DCP2: variants seen among roughly 807,000 people sequenced by gnomAD.
DCP2 encodes the protein m7GpppN-mRNA hydrolase.
Under a neutral mutation model 56.1 loss-of-function variants are expected in DCP2, and 30 were observed. The observed-to-expected ratio is 0.53, with a 90% CI of 0.40 to 0.73. The LOEUF is 0.73. Among genes scored for constraint, DCP2 ranks in the 30% least tolerant of loss-of-function variants. The pLI is 0.00. For synonymous variants in DCP2, 197 were observed against 163.3 expected (o/e 1.21, Z -1.57); for missense variants, 533 against 502.7 (o/e 1.06, Z -0.58).
Position 113,001,646 on chromosome 5 carries a change from C to G in DCP2, c.778C>G (p.Pro260Ala), listed in dbSNP as rs1433726503. The change falls in exon 7 of 11, where the codon CCG becomes GCG. Residue 260 changes from proline to alanine, a missense_variant. Coordinates refer to ENST00000389063, the MANE Select transcript of DCP2 (RefSeq NM_152624.6). ...DNGFSSTGST[P>A]AKPTVEKLSR... ...TGGATTTTCCTCAACTGGTAGCACG[C>G]CGGCTAAACCCACTGTGGAAAAATT... 1.2e-6 allele frequency: 2 copies of G among 1,614,118 alleles called. No individual in the cohort carries two copies. The highest frequency in any genetic ancestry group is 3.3e-5 in the Admixed American group (2 of 60,006).
At position 113,015,253 on chromosome 5, in the gene DCP2, T is replaced by C. The variant is rs1284187152; in HGVS notation, c.*1769T>C. ...CCAGCATTCCAGACTTCTGGTAAATTGTTAAAGGAGTGAAAATGTAGTTTG... is the reference window on the plus strand; with the variant it reads ...CCAGCATTCCAGACTTCTGGTAAATCGTTAAAGGAGTGAAAATGTAGTTTG... On this transcript the variant is annotated 3_prime_UTR_variant, in exon 11 of 11. Transcript: ENST00000389063. 1 of 152,656 alleles carries C rather than the reference T, an allele frequency of 6.6e-6. No individual in the cohort carries two copies. The highest frequency in any genetic ancestry group is 2.4e-5 in the African/African-American group (1 of 41,462). The allele number at this position is 152,656 out of a possible 1,614,324, so 9.5% of individuals were successfully genotyped here. A position where few individuals can be genotyped will look rare whatever the true frequency, so the allele number is the denominator to read the frequency against.
rs987034873 is a variant in DCP2 at position 113,007,959 on chromosome 5, G to A, written c.964G>A (p.Gly322Ser). The A allele has an allele frequency of 3.2e-5, 52 of 1,613,480 alleles. No homozygotes were observed. The Admixed American group carries it at 8.3e-4, about 26-fold the overall frequency. Residue 322 changes from glycine to serine, a missense_variant, in exon 9 of 11, where the codon GGC becomes AGC. Physicochemically the swap from Gly to Ser is moderately conservative, Grantham distance 56. Around this residue, in one of 3 missense-constraint regions of DCP2, gnomAD observed 392 missense variants for 346.6 expected, o/e 1.13. Coordinates refer to ENST00000389063, the MANE Select transcript of DCP2 (RefSeq NM_152624.6). ...KGKNQSMRGN[G>S]RKQYQDSPNQ... Reference sequence around the variant, plus strand: ...ACAGAATCAAAGTATGAGGGGAAATGGCAGAAAACAGTATCAAGATTCACC... The same window carrying A: ...ACAGAATCAAAGTATGAGGGGAAATAGCAGAAAACAGTATCAAGATTCACC...
rs369337692 is a variant in DCP2 at position 113,006,236 on chromosome 5, C to T, written c.943-1702C>T. ...GATAAATATCGTATTAATGTTATTC[C>T]ATTCCTAAATAGGCAAATTCATAGA... On this transcript the variant is annotated intron_variant, in intron 8 of 10. Transcript: ENST00000389063. 1.0e-3 allele frequency among the ~76,000 whole-genome samples: 155 copies of T among 152,046 alleles called. 2 individuals carry two copies. In the South Asian group the frequency reaches 0.032, roughly 31 times the overall value.
intron 1 of DCP2, among the ~76,000 whole-genome samples, chr5:112,978,388 C>T (rs554649370): frequency 1.3e-5 from 2 of 152,308 alleles, no homozygotes; most frequent in South Asian, 4.1e-4. Flanking sequence ...TCTGCGCAAA[C>T]AGATTCAGGA....
chr5:113,003,568 C>A (rs1470158193), intron 7 of DCP2, among the ~76,000 whole-genome samples: 1 of 151,980 alleles, frequency 6.6e-6, no homozygotes, highest in Non-Finnish European at 1.5e-5. Flanking sequence ...AGAGGGAAAC[C>A]CAGTCTCAAA....
At chr5:112,987,620 C>CCTTTTTT (rs1748356511) in intron 2 of DCP2, among the ~76,000 whole-genome samples, 1 of 69,736 alleles carries the variant, frequency 1.4e-5, no homozygotes, top group African/African-American at 6.2e-5. Context: ...ACCTAGGTGC[C>CCTTTTTT]TTTTTTTTTT....
rs951767266 is a variant in DCP2, at chr5:113,014,759, T to C, written c.*1275T>C. ...TGGGAGTCGGGGGTGTTTGAGTATA[T>C]GTGTGTGTGTGTAACTATCATGTGG... On this transcript the variant is annotated 3_prime_UTR_variant, in exon 11 of 11. Coordinates refer to ENST00000389063, the MANE Select transcript of DCP2 (RefSeq NM_152624.6). 2.0e-5 allele frequency: 3 copies of C among 149,322 alleles called. No individual in the cohort carries two copies. The highest frequency in any genetic ancestry group is 4.4e-5 in the Non-Finnish European group (3 of 67,988). The allele number at this position is 149,322 out of a possible 1,614,324, so 9.2% of individuals were successfully genotyped here. A position where few individuals can be genotyped will look rare whatever the true frequency, so the allele number is the denominator to read the frequency against.
At chr5:112,998,940 A>G (rs1434458807) in intron 4 of DCP2, among the ~76,000 whole-genome samples, 1 of 152,222 alleles carries the variant, frequency 6.6e-6, no homozygotes, top group East Asian at 1.9e-4. Flanking sequence ...TCATATTCAC[A>G]TTCACTAATT....
chr5:112,988,108 A>G (rs758243473), intron 2 of DCP2, among the ~76,000 whole-genome samples: 3 of 152,164 alleles, frequency 2.0e-5, no homozygotes, highest in Non-Finnish European at 2.9e-5. Context: ...TGGATGAAAC[A>G]GTGATTGTTC....
chr5:112,976,974 A>G lies in DCP2; in HGVS notation c.41A>G (p.Asp14Gly), dbSNP rs1747735333. 1.3e-6 allele frequency: 2 copies of G among 1,593,538 alleles called. No individual in the cohort carries two copies. The highest frequency in any genetic ancestry group is 1.3e-5 in the African/African-American group (1 of 74,382). The change falls in exon 1 of 11, where the codon GAC becomes GGC. Residue 14 changes from aspartate to glycine, a missense_variant. By Grantham distance (94) the Asp-to-Gly change is moderately conservative. Coordinates refer to ENST00000389063, the MANE Select transcript of DCP2 (RefSeq NM_152624.6). ...KRVEIPGSVLDDLCSRFILHI... is the reference protein window; with the variant it reads ...KRVEIPGSVLGDLCSRFILHI... ...GTGGAGATTCCCGGCAGCGTCCTGGACGATCTCTGCAGGTACCGCGCTACC... is the reference window on the plus strand; with the variant it reads ...GTGGAGATTCCCGGCAGCGTCCTGGGCGATCTCTGCAGGTACCGCGCTACC...
chr5:112,999,574 C>T (rs940559053), intron 4 of DCP2, among the ~76,000 whole-genome samples: 6 of 151,534 alleles, frequency 4.0e-5, no homozygotes, highest in African/African-American at 1.5e-4. Flanking sequence ...GATTAGCCTG[C>T]CTTGGCCTCC....
chr5:113,004,430 T>A (rs1034464114), intron 8 of DCP2, among the ~76,000 whole-genome samples: 1 of 152,244 alleles, frequency 6.6e-6, no homozygotes, highest in Admixed American at 6.5e-5. Flanking sequence ...ACTTCGATTT[T>A]CATTGTTGTA....
Position 112,976,960 on chromosome 5 carries a change from C to A in DCP2, c.27C>A (p.Pro9=). 6.3e-7 allele frequency: 1 copy of A among 1,599,934 alleles called. No individual in the cohort carries two copies. The highest frequency in any genetic ancestry group is 8.6e-7 in the Non-Finnish European group (1 of 1,169,112). Reference sequence around the variant, plus strand: ...TGGAGACCAAACGGGTGGAGATTCCCGGCAGCGTCCTGGACGATCTCTGCA... The same window carrying A: ...TGGAGACCAAACGGGTGGAGATTCCAGGCAGCGTCCTGGACGATCTCTGCA... METKRVEI[P]GSVLDDLCSR... Residue 9 remains proline, a synonymous_variant, in exon 1 of 11, where the codon CCC becomes CCA. Coordinates refer to ENST00000389063, the MANE Select transcript of DCP2 (RefSeq NM_152624.6).
intron 7 of DCP2, among the ~76,000 whole-genome samples, chr5:113,003,257 C>G (rs1305533911): frequency 1.3e-5 from 2 of 152,164 alleles, no homozygotes; most frequent in African/African-American, 2.4e-5. Context: ...TGCATTAGTA[C>G]AACATTTTAA....
chr5:112,988,494 T>TAAAAAAAAA (rs368124032), intron 2 of DCP2, among the ~76,000 whole-genome samples: 2 of 82,452 alleles, frequency 2.4e-5, no homozygotes, highest in African/African-American at 9.9e-5. Context: ...TGTGTCTTAA[T>TAAAAAAAAA]AAAAAAAAAA....
intron 4 of DCP2, among the ~76,000 whole-genome samples, chr5:113,000,420 A>ACCCC (rs61439631): frequency 1.4e-3 from 199 of 146,758 alleles, no homozygotes; most frequent in African/African-American, 3.6e-3. Flanking sequence ...ACACACACAC[A>ACCCC]CACACCCACA....
intron 8 of DCP2, among the ~76,000 whole-genome samples, chr5:113,004,459 C>T (rs958064993): frequency 1.3e-5 from 2 of 152,208 alleles, no homozygotes; most frequent in African/African-American, 2.4e-5. Flanking sequence ...TATAATTACA[C>T]TGCTATTAAT....
At chr5:113,012,619 T>A (rs977667526) in intron 10 of DCP2, among the ~76,000 whole-genome samples, 5 of 152,076 alleles carry the variant, frequency 3.3e-5, no homozygotes, top group African/African-American at 1.2e-4. Flanking sequence ...TTTGGAAAAT[T>A]TGGATTTTTC....
intron 2 of DCP2, among the ~76,000 whole-genome samples, chr5:112,988,490 TTAA>T (rs1748414572): frequency 3.6e-5 from 2 of 56,284 alleles, no homozygotes; most frequent in South Asian, 7.1e-4. Flanking sequence ...AGACTGTGTC[TTAA>T]TAAAAAAAAA....
Sources: allele counts gnomAD v4.1 joint callset (sites outside exome capture counted in the v4.1 genomes callset), GRCh38; gene constraint gnomAD v4.1.1; regional missense constraint gnomAD v4.1.1; transcripts MANE v1.5; gene names NCBI Gene and HGNC (gene_info 2026-07-23, HGNC 2026-07-21).